IRAG1: variants seen among roughly 807,000 people sequenced by gnomAD.
IRAG1 encodes IP3R-associated cGMP kinase substrate.
IRAG1 carries 62 observed loss-of-function variants against 106.2 expected under a neutral mutation model. That is an observed-to-expected ratio of 0.58 (90% CI 0.48 to 0.72). The LOEUF is 0.72. IRAG1 is among the 30% of genes least tolerant of loss of function. IRAG1 has a pLI of 0.00. For synonymous variants in IRAG1, 462 were observed against 443.9 expected (o/e 1.04, Z -0.51); for missense variants, 1,064 against 1,140.7 (o/e 0.93, Z 0.97).
chr11:10,670,488 G>A (rs1179394105), intron 1 of IRAG1, among the ~76,000 whole-genome samples: 2 of 152,174 alleles, frequency 1.3e-5, no homozygotes, highest in African/African-American at 4.8e-5. Flanking sequence ...TCATTTGGTG[G>A]TCACGGTGAA....
intron 15 of IRAG1, among the ~76,000 whole-genome samples, chr11:10,594,903 T>C (rs981106440): frequency 2.0e-5 from 3 of 152,184 alleles, no homozygotes; most frequent in Non-Finnish European, 2.9e-5. Flanking sequence ...GAAAAGCACA[T>C]AGCCGTATGT....
At chr11:10,668,056 G>T (rs573631074) in intron 1 of IRAG1, among the ~76,000 whole-genome samples, 2 of 152,088 alleles carry the variant, frequency 1.3e-5, no homozygotes, top group Non-Finnish European at 2.9e-5. Context: ...AATATTCCAC[G>T]TGCTATCAAA....
At chr11:10,652,554 G>A (rs965501227) in intron 1 of IRAG1, among the ~76,000 whole-genome samples, 2 of 152,184 alleles carry the variant, frequency 1.3e-5, no homozygotes, top group African/African-American at 4.8e-5. Context: ...CCTGTCCTAG[G>A]AGCATCACCA....
chr11:10,680,158 A>G (rs1399420390), intron 1 of IRAG1, among the ~76,000 whole-genome samples: 1 of 151,596 alleles, frequency 6.6e-6, no homozygotes, highest in African/African-American at 2.4e-5. Flanking sequence ...CTGTAATCCC[A>G]GCTACTTGGG....
chr11:10,626,122 G>C lies in IRAG1; in HGVS notation c.1212C>G (p.Pro404=), dbSNP rs774647677. 6.5e-7 allele frequency: 1 copy of C among 1,543,778 alleles called. No individual in the cohort carries two copies. The highest frequency in any genetic ancestry group is 8.7e-7 in the Non-Finnish European group (1 of 1,144,508). The part of the protein sequence containing the change: ...SWDSGPEEPG[P]RLQKVLAKLP... ...GCTTGGCAAGCACTTTCTGCAGCCG[G>C]GGGCCAGGTTCTTCAGGGCCACTGT... The change falls in exon 9 of 21, where the codon CCC becomes CCG. Residue 404 remains proline (P), a synonymous_variant. Coordinates refer to ENST00000423302, the MANE Select transcript of IRAG1 (RefSeq NM_130385.4).
chr11:10,595,813 C>G (rs1274658438), intron 15 of IRAG1: 1 of 152,068 alleles, frequency 6.6e-6, no homozygotes, highest in African/African-American at 2.4e-5. Context: ...GCCTAGTAGA[C>G]AGCATTGATT....
At chr11:10,655,342 T>G (rs1224742697) in intron 1 of IRAG1, among the ~76,000 whole-genome samples, 2 of 152,232 alleles carry the variant, frequency 1.3e-5, no homozygotes, top group Non-Finnish European at 1.5e-5. Flanking sequence ...AATTTGTGTT[T>G]AAAGAACTAG....
intron 2 of IRAG1, among the ~76,000 whole-genome samples, chr11:10,642,379 G>A (rs1468887200): frequency 2.0e-5 from 3 of 152,228 alleles, no homozygotes; most frequent in Admixed American, 1.3e-4. Flanking sequence ...GTCATAGATG[G>A]GAATATTAGC....
chr11:10,623,697 G>A (rs1856008089), intron 10 of IRAG1, 81 bp downstream of exon 10: 2 of 1,274,832 alleles, frequency 1.6e-6, no homozygotes, highest in East Asian at 2.3e-5. Context: ...AGGAAGTCTT[G>A]TGTTTACACA....
chr11:10,617,321 C>T (rs1482216938), intron 10 of IRAG1: 1 of 313,772 alleles, frequency 3.2e-6, no homozygotes, highest in Non-Finnish European at 4.6e-6. Context: ...AGCTTAAACA[C>T]CTCCTTCCCC....
At chr11:10,589,719 C>G (rs1252788044) in intron 18 of IRAG1, among the ~76,000 whole-genome samples, 3 of 152,154 alleles carry the variant, frequency 2.0e-5, no homozygotes, top group Non-Finnish European at 4.4e-5. Context: ...CGAGTCAGCC[C>G]CAGTGTGCTT....
chr11:10,654,252 A>T (rs1858749593), intron 1 of IRAG1, among the ~76,000 whole-genome samples: 1 of 152,162 alleles, frequency 6.6e-6, no homozygotes, highest in Non-Finnish European at 1.5e-5. Flanking sequence ...GCCAACACAC[A>T]TACCTCTAGA....
At chr11:10,594,297 CCT>C in intron 15 of IRAG1, 102 bp from the exon 16 acceptor site, 3 of 1,127,946 alleles carry the variant, frequency 2.7e-6, no homozygotes, top group Non-Finnish European at 3.9e-6. Flanking sequence ...CAGAACTGGC[CCT>C]CAAGGGATAG....
chr11:10,595,818 T>G (rs1029826935), intron 15 of IRAG1: 1 of 152,078 alleles, frequency 6.6e-6, no homozygotes, highest in African/African-American at 2.4e-5. Flanking sequence ...GTAGACAGCA[T>G]TGATTTTTTC....
intron 13 of IRAG1, among the ~76,000 whole-genome samples, chr11:10,603,989 C>CT (rs1460616694): frequency 6.6e-6 from 1 of 152,170 alleles, no homozygotes; most frequent in Non-Finnish European, 1.5e-5. Context: ...TTCAAACTGA[C>CT]TAAGACACAC....
chr11:10,576,318 A>G lies in IRAG1; in HGVS notation c.*14T>C. On this transcript the variant is annotated 3_prime_UTR_variant, in exon 21 of 21. Coordinates refer to ENST00000423302, the MANE Select transcript of IRAG1 (RefSeq NM_130385.4). ...AGTGTCTCAGAGCAGGGCACTGGCT[A>G]GGTGTGAGGTTTCCTACTGCTCTGT... 1 of 1,613,236 alleles carries G rather than the reference A, an allele frequency of 6.2e-7. No individual in the cohort carries two copies. The highest frequency in any genetic ancestry group is 2.2e-5 in the East Asian group (1 of 44,854).
chr11:10,670,749 T>C (rs1297227751), intron 1 of IRAG1, among the ~76,000 whole-genome samples: 1 of 152,138 alleles, frequency 6.6e-6, no homozygotes, highest in Non-Finnish European at 1.5e-5. Flanking sequence ...CTGGTGTCCT[T>C]ATAAGAAGAG....
At chr11:10,602,488 T>A (rs1425805655) in intron 14 of IRAG1, among the ~76,000 whole-genome samples, 1 of 152,196 alleles carries the variant, frequency 6.6e-6, no homozygotes, top group Non-Finnish European at 1.5e-5. Flanking sequence ...AATGTGCTCC[T>A]GCTACAACAT....
intron 9 of IRAG1, 69 bp downstream of exon 9, chr11:10,625,897 G>A: frequency 7.5e-7 from 1 of 1,338,856 alleles, no homozygotes. Flanking sequence ...CCCAGACTCA[G>A]CCCTGAGGTC....
Sources: allele counts gnomAD v4.1 joint callset (sites outside exome capture counted in the v4.1 genomes callset), GRCh38; gene constraint gnomAD v4.1.1; transcripts MANE v1.5; gene names NCBI Gene and HGNC (gene_info 2026-07-23, HGNC 2026-07-21).